The following DTNBP1 variants were observed in gnomAD, a reference collection of about 807,000 sequenced individuals.
DTNBP1 encodes dysbindin.
In DTNBP1, 35 loss-of-function variants were observed where a neutral mutation model predicts 42.8. The ratio of observed to expected loss-of-function variants is 0.82; its 90% CI spans 0.63 to 1.09. The LOEUF (loss-of-function observed/expected upper bound fraction) is 1.09, where lower values mean the gene tolerates loss of function less well. Ranked by LOEUF, DTNBP1 falls within the 50% of genes least tolerant of loss-of-function variation. DTNBP1 has a pLI of 0.00. For missense variants in DTNBP1, 457 were observed against 424.2 expected (o/e 1.08, Z -0.68); for synonymous variants, 171 against 162.2 (o/e 1.05, Z -0.41).
intron 7 of DTNBP1, among the ~76,000 whole-genome samples, chr6:15,575,184 GA>G (rs766388439): frequency 6.6e-6 from 1 of 151,484 alleles, no homozygotes; most frequent in South Asian, 2.1e-4. Flanking sequence ...AAATTTGAAG[GA>G]AAAAAAGGTA....
chr6:15,640,477 C>A (rs1458793484), intron 3 of DTNBP1, among the ~76,000 whole-genome samples: 1 of 152,154 alleles, frequency 6.6e-6, no homozygotes, highest in Non-Finnish European at 1.5e-5. Context: ...TGAATATATT[C>A]TATGTATACC....
chr6:15,586,638 T>G (rs1334709618), intron 7 of DTNBP1, among the ~76,000 whole-genome samples: 1 of 152,166 alleles, frequency 6.6e-6, no homozygotes, highest in Non-Finnish European at 1.5e-5. Flanking sequence ...CTCATTCATT[T>G]AAATATTTAA....
chr6:15,532,809 C>T (rs370187986), intron 8 of DTNBP1, among the ~76,000 whole-genome samples: 3 of 149,742 alleles, frequency 2.0e-5, no homozygotes, highest in Admixed American at 1.3e-4. Context: ...AAGTGATTCC[C>T]GTGCTTCAGC....
chr6:15,589,368 A>G (rs1016860653), intron 7 of DTNBP1, among the ~76,000 whole-genome samples: 7 of 152,218 alleles, frequency 4.6e-5, no homozygotes, highest in Admixed American at 1.3e-4. Context: ...CTCAACCACT[A>G]AAAGTGTTCT....
chr6:15,536,434 C>T (rs1773230565), intron 7 of DTNBP1, among the ~76,000 whole-genome samples: 1 of 152,258 alleles, frequency 6.6e-6, no homozygotes, highest in Non-Finnish European at 1.5e-5. Flanking sequence ...ACTCTAACTA[C>T]AGCCGTGGCT....
At chr6:15,625,734 G>A (rs917752299) in intron 5 of DTNBP1, among the ~76,000 whole-genome samples, 2 of 152,040 alleles carry the variant, frequency 1.3e-5, no homozygotes, top group African/African-American at 2.4e-5. Context: ...TCTCAGCTGG[G>A]GAAATAAAAG....
chr6:15,662,983 A>C lies in DTNBP1; in HGVS notation c.-114T>G. 9.2e-6 allele frequency: 13 copies of C among 1,411,834 alleles called. No individual in the cohort carries two copies. The highest frequency in any genetic ancestry group is 2.4e-5 in the East Asian group (1 of 41,814). 87.5% of individuals were successfully genotyped at this position (1,411,834 alleles called of 1,614,324 possible). A position where few individuals can be genotyped will look rare whatever the true frequency, so the allele number is the denominator to read the frequency against. Reference sequence around the variant, plus strand: ...TCACCGCGCGCCCCGCACTCCCACTACCGGCCCCGCCCCCGGTCTGGTCCT... The same window carrying C: ...TCACCGCGCGCCCCGCACTCCCACTCCCGGCCCCGCCCCCGGTCTGGTCCT... On this transcript the variant is annotated 5_prime_UTR_variant, in exon 1 of 10. Transcript: ENST00000344537.
chr6:15,577,230 G>A (rs1490749340), intron 7 of DTNBP1, among the ~76,000 whole-genome samples: 1 of 152,224 alleles, frequency 6.6e-6, no homozygotes, highest in Non-Finnish European at 1.5e-5. Flanking sequence ...AGGCCAGAGA[G>A]GGAGCAAAGG....
intron 9 of DTNBP1, 90 bp from the exon 10 acceptor site, chr6:15,523,309 GA>G: frequency 6.5e-7 from 1 of 1,549,092 alleles, no homozygotes; most frequent in Non-Finnish European, 8.9e-7. Context: ...TGCCCGTCAT[GA>G]AAGGGGGGTG....
chr6:15,612,394 C>T (rs1162011437), intron 6 of DTNBP1, among the ~76,000 whole-genome samples: 1 of 152,170 alleles, frequency 6.6e-6, no homozygotes, highest in Non-Finnish European at 1.5e-5. Context: ...CTGCAGAATG[C>T]AGTGGACTGG....
intron 7 of DTNBP1, among the ~76,000 whole-genome samples, chr6:15,579,575 C>A (rs908229017): frequency 6.6e-6 from 1 of 152,134 alleles, no homozygotes; most frequent in South Asian, 2.1e-4. Context: ...AAGGCCAAGG[C>A]GGGCAGATCA....
At chr6:15,576,181 C>G (rs1775556693) in intron 7 of DTNBP1, among the ~76,000 whole-genome samples, 1 of 151,788 alleles carries the variant, frequency 6.6e-6, no homozygotes, top group Non-Finnish European at 1.5e-5. Context: ...TGCAGTGGCA[C>G]TATCTCGGCT....
intron 6 of DTNBP1, among the ~76,000 whole-genome samples, chr6:15,608,978 T>G (rs1169673842): frequency 1.3e-5 from 2 of 152,194 alleles, no homozygotes; most frequent in African/African-American, 4.8e-5. Flanking sequence ...TCTGGACAAC[T>G]TCCTTATGTT....
intron 7 of DTNBP1, among the ~76,000 whole-genome samples, chr6:15,575,543 G>A (rs1035506439): frequency 4.6e-5 from 7 of 152,148 alleles, no homozygotes; most frequent in African/African-American, 1.4e-4. Context: ...GGAAAATGTC[G>A]CTGCTGAAAA....
intron 5 of DTNBP1, among the ~76,000 whole-genome samples, chr6:15,615,759 T>C (rs1228706990): frequency 6.6e-6 from 1 of 152,230 alleles, no homozygotes; most frequent in African/African-American, 2.4e-5. Flanking sequence ...AAAATATAAT[T>C]AACACAAATT....
intron 4 of DTNBP1, among the ~76,000 whole-genome samples, chr6:15,629,454 TAC>T (rs1253776922): frequency 6.6e-6 from 1 of 152,196 alleles, no homozygotes; most frequent in East Asian, 1.9e-4. Context: ...GAAATTTAAC[TAC>T]AGTTTAGTTC....
In DTNBP1 at chr6:15,573,160, CT is replaced by C. The variant is rs200341669; in HGVS notation, c.511+19898del. 5.0e-3 allele frequency among the ~76,000 whole-genome samples: 758 copies of C among 152,112 alleles called. 21 individuals are homozygous for C. The East Asian group carries it at 0.068, about 14-fold the overall frequency. ...TAGTAGCAAGGCTATTGTCCACTTA[CT>C]TTTTTTTAGGTATGTTTTATAGTCA... On this transcript the variant is annotated intron_variant, in intron 7 of 9. Coordinates refer to ENST00000344537, the MANE Select transcript of DTNBP1 (RefSeq NM_032122.5).
At chr6:15,572,583 T>A (rs976242056) in intron 7 of DTNBP1, among the ~76,000 whole-genome samples, 1 of 152,234 alleles carries the variant, frequency 6.6e-6, no homozygotes, top group Non-Finnish European at 1.5e-5. Flanking sequence ...AAACCCTTTA[T>A]GTGTATCAAT....
At chr6:15,612,783 A>G (rs1758485070) in intron 6 of DTNBP1, among the ~76,000 whole-genome samples, 1 of 152,186 alleles carries the variant, frequency 6.6e-6, no homozygotes, top group South Asian at 2.1e-4. Context: ...TCCTCTCAAA[A>G]TTCTAGGCCT....
Sources: gnomAD v4.1 joint callset for allele counts (sites outside exome capture counted in the v4.1 genomes callset) on GRCh38, gnomAD v4.1.1 for gene constraint, MANE v1.5 for transcripts, NCBI Gene and HGNC (gene_info 2026-07-23, HGNC 2026-07-21) for gene names.